Variants in SGCZ observed in about 807,000 individuals in gnomAD.
SGCZ encodes the protein zeta-sarcoglycan.
In SGCZ, 40 loss-of-function variants were observed where a neutral mutation model predicts 41.3. The ratio of observed to expected loss-of-function variants is 0.97; its 90% CI spans 0.75 to 1.26. The LOEUF is 1.26. Among genes scored for constraint, SGCZ ranks in the 50% most tolerant of loss-of-function variants. The pLI, the probability that SGCZ is intolerant of heterozygous loss-of-function variation, is 0.00. For synonymous variants in SGCZ, 206 were observed against 137.5 expected, an observed-to-expected ratio of 1.50 and a Z score of -3.49; for missense variants, 552 against 369.8, an observed-to-expected ratio of 1.49 and a Z score of -4.04.
rs544259046 is a variant in SGCZ, at chr8:14,644,945, C to A, written c.40-90019G>T. On this transcript the variant is annotated intron_variant, in intron 1 of 7. Coordinates refer to ENST00000382080, the MANE Select transcript of SGCZ (RefSeq NM_139167.4). Reference sequence around the variant, plus strand: ...AAAATATAAAGCCTTTGTGTAGTTGCATAAATAAAAAAAAAAAGTCTCCAA... The same window carrying A: ...AAAATATAAAGCCTTTGTGTAGTTGAATAAATAAAAAAAAAAAGTCTCCAA... 1.0e-3 allele frequency among the ~76,000 whole-genome samples: 22 copies of A among 21,476 alleles called. 1 individual carries two copies. The highest frequency in any genetic ancestry group is 7.0e-5 in the African/African-American group (1 of 14,286). 14.1% of individuals were successfully genotyped at this position (21,476 alleles called of 152,430 possible).
At chr8:14,609,869 C>T (rs1441236247) in intron 1 of SGCZ, among the ~76,000 whole-genome samples, 1 of 152,022 alleles carries the variant, frequency 6.6e-6, no homozygotes, top group Admixed American at 6.6e-5. Flanking sequence ...TTATCTATGA[C>T]CTTCTTATTC....
At chr8:14,367,146 A>C (rs957242316) in intron 2 of SGCZ, among the ~76,000 whole-genome samples, 2 of 152,108 alleles carry the variant, frequency 1.3e-5, no homozygotes, top group Non-Finnish European at 2.9e-5. Context: ...AGTTCCACAG[A>C]TCTTCGGGAC....
chr8:14,879,696 G>C (rs1411355620), intron 1 of SGCZ: 1 of 151,208 alleles, frequency 6.6e-6, no homozygotes, highest in South Asian at 2.1e-4. Context: ...AGTTCCCTTA[G>C]TCTGCTCCTA....
rs901758051 is a variant in SGCZ, at chr8:14,756,187, T to C, written c.40-201261A>G. Among the ~76,000 whole-genome samples, 646 of 144,892 alleles carry C rather than the reference T, an allele frequency of 4.5e-3. 1 individual carries two copies. Among genetic ancestry groups the C allele is most frequent in the East Asian group, 0.01 (51 of 5,046 alleles). ...AGGAATATTTTCAGTAGAAGTAAAT[T>C]TTTTTTTTTTTTTTTTTGAGACAGA... On this transcript the variant is annotated intron_variant, in intron 1 of 7. Transcript: ENST00000382080.
intron 1 of SGCZ, among the ~76,000 whole-genome samples, chr8:14,756,449 T>C (rs1363050249): frequency 1.3e-5 from 2 of 152,140 alleles, no homozygotes; most frequent in Non-Finnish European, 2.9e-5. Context: ...CCTCCCAAAG[T>C]GGTGGGATTA....
Position 14,551,465 on chromosome 8 carries a change from T to A in SGCZ, c.234+3267A>T, listed in dbSNP as rs1043695386. On this transcript the variant is annotated intron_variant, in intron 2 of 7. Coordinates refer to ENST00000382080, the MANE Select transcript of SGCZ (RefSeq NM_139167.4). The stretch of plus-strand genomic sequence containing the variant: ...TATTTCATATATATATTATATATAT[T>A]ATATATATTATATATTATATATATT... Among the ~76,000 whole-genome samples the A allele has an allele frequency of 1.5e-3, 9 of 5,932 alleles. 1 individual carries two copies. Among genetic ancestry groups the A allele is most frequent in the African/African-American group, 4.1e-3 (9 of 2,172 alleles). The allele number at this position is 5,932 out of a possible 152,430, so 3.9% of individuals were successfully genotyped here. A position where few individuals can be genotyped will look rare whatever the true frequency, so the allele number is the denominator to read the frequency against.
At chr8:14,710,167 C>A (rs1429258519) in intron 1 of SGCZ, among the ~76,000 whole-genome samples, 1 of 151,752 alleles carries the variant, frequency 6.6e-6, no homozygotes, top group Admixed American at 6.6e-5. Flanking sequence ...GAGATCGAGA[C>A]CATCCTGGCT....
intron 1 of SGCZ, among the ~76,000 whole-genome samples, chr8:14,579,883 C>G (rs183368563): frequency 3.3e-5 from 5 of 152,238 alleles, no homozygotes; most frequent in Admixed American, 1.3e-4. Flanking sequence ...CTTATAAGTT[C>G]CCCTGAGTCT....
intron 5 of SGCZ, among the ~76,000 whole-genome samples, chr8:14,132,662 G>C (rs1423241167): frequency 6.6e-6 from 1 of 152,170 alleles, no homozygotes; most frequent in African/African-American, 2.4e-5. Context: ...TAAATCCAGT[G>C]TCTGAATTTC....
intron 1 of SGCZ, among the ~76,000 whole-genome samples, chr8:14,619,825 T>G (rs909139373): frequency 2.6e-5 from 4 of 152,172 alleles, no homozygotes; most frequent in Non-Finnish European, 5.9e-5. Flanking sequence ...TCCATGCTCA[T>G]GTACAGGAAG....
intron 3 of SGCZ, among the ~76,000 whole-genome samples, chr8:14,251,315 T>C (rs1293634277): frequency 6.6e-6 from 1 of 152,174 alleles, no homozygotes; most frequent in Non-Finnish European, 1.5e-5. Context: ...TCAGGGATAA[T>C]TAATCAAAAT....
At chr8:14,637,517 T>G (rs548914751) in intron 1 of SGCZ, among the ~76,000 whole-genome samples, 1 of 151,922 alleles carries the variant, frequency 6.6e-6, no homozygotes, top group African/African-American at 2.4e-5. Context: ...TTCCCATCTT[T>G]ACATCCATAC....
intron 3 of SGCZ, among the ~76,000 whole-genome samples, chr8:14,297,165 C>T (rs1246978608): frequency 6.6e-5 from 10 of 151,980 alleles, no homozygotes; most frequent in Non-Finnish European, 1.5e-4. Context: ...TCAGGTGATC[C>T]GCCCACCTCG....
chr8:14,797,085 C>T (rs1801158515), intron 1 of SGCZ, among the ~76,000 whole-genome samples: 1 of 151,962 alleles, frequency 6.6e-6, no homozygotes, highest in African/African-American at 2.4e-5. Context: ...TAAATTGGTA[C>T]CAGAAGAGTG....
At chr8:14,330,477 CTTATTGGAA>C (rs1293228908) in intron 2 of SGCZ, among the ~76,000 whole-genome samples, 1 of 151,846 alleles carries the variant, frequency 6.6e-6, no homozygotes, top group Non-Finnish European at 1.5e-5. Flanking sequence ...TTAAGAAATA[CTTATTGGAA>C]TTTCTTATAA....
Position 14,944,105 on chromosome 8 carries a change from C to G in SGCZ, c.39+293480G>C, listed in dbSNP as rs888679515. On this transcript the variant is annotated intron_variant, in intron 1 of 7. Coordinates refer to ENST00000382080, the MANE Select transcript of SGCZ (RefSeq NM_139167.4). ...GCCTGTTAAACTAATAATTCAACGT[C>G]TAACTTAGCCATCCTCTCCCCGCTT... 6.6e-5 allele frequency among the ~76,000 whole-genome samples: 10 copies of G among 152,256 alleles called. 1 individual carries two copies. The South Asian group carries it at 2.1e-3, about 32-fold the overall frequency.
intron 4 of SGCZ, among the ~76,000 whole-genome samples, chr8:14,230,300 T>A (rs1806515727): frequency 6.6e-6 from 1 of 152,088 alleles, no homozygotes; most frequent in East Asian, 1.9e-4. Flanking sequence ...GTCATGTGTA[T>A]AGAGTAGTAC....
chr8:14,152,382 A>C (rs944005211), intron 5 of SGCZ, among the ~76,000 whole-genome samples: 19 of 152,202 alleles, frequency 1.2e-4, no homozygotes, highest in African/African-American at 4.6e-4. Flanking sequence ...AAGCACAATG[A>C]GTTAGGCAAG....
intron 1 of SGCZ, among the ~76,000 whole-genome samples, chr8:14,568,260 C>A (rs1404730450): frequency 6.6e-6 from 1 of 151,902 alleles, no homozygotes; most frequent in Non-Finnish European, 1.5e-5. Context: ...GGAGGGAGAG[C>A]ATCAGGACAA....
Sources: gnomAD v4.1 joint callset for allele counts (sites outside exome capture counted in the v4.1 genomes callset) on GRCh38, gnomAD v4.1.1 for gene constraint, MANE v1.5 for transcripts, NCBI Gene and HGNC (gene_info 2026-07-23, HGNC 2026-07-21) for gene names.